ATG9B: variants seen among roughly 807,000 people sequenced by gnomAD.
The protein encoded by ATG9B is autophagy-related protein 9B.
Under a neutral mutation model 92.9 loss-of-function variants are expected in ATG9B, and 92 were observed. The ratio of observed to expected loss-of-function variants is 0.99; its 90% CI spans 0.84 to 1.18. ATG9B has a LOEUF of 1.18. Among genes scored for constraint, ATG9B ranks in the 50% most tolerant of loss-of-function variants. ATG9B has a pLI of 0.00. For missense variants in ATG9B, 1,344 were observed against 1,235.0 expected (o/e 1.09, Z -1.32); for synonymous variants, 599 against 551.4 (o/e 1.09, Z -1.21).
In ATG9B at chr7:151,015,866, A is replaced by G. The variant is rs745911616; in HGVS notation, c.*14+16T>C. 121 of 1,541,470 alleles carry G rather than the reference A, an allele frequency of 7.8e-5. No homozygotes were observed. Among genetic ancestry groups the G allele is most frequent in the Non-Finnish European group, 9.4e-5 (107 of 1,142,038 alleles). ...TGCCGTCCTTTCTCCCTCCCCTCAC[A>G]GGAGGCAATACTGACCCTGAGGAGT... On this transcript the variant is annotated intron_variant, in intron 13 of 13. Coordinates refer to ENST00000639579, the MANE Select transcript of ATG9B (RefSeq NM_001317056.2).
At chr7:151,019,509 A>G (rs544751648) in intron 5 of ATG9B, 135 bp from the exon 6 acceptor site, 2 of 1,204,300 alleles carry the variant, frequency 1.7e-6, no homozygotes, top group East Asian at 5.6e-5. Context: ...TGACCAAGCT[A>G]CATCGTCCCC....
chr7:151,014,086 A>C, downstream of ATG9B: 1 of 1,613,830 alleles, frequency 6.2e-7, no homozygotes, highest in Non-Finnish European at 8.5e-7. Flanking sequence ...ACGCACCCAG[A>C]GCTTTTCCTT....
At position 151,023,927 on chromosome 7, in the gene ATG9B, G is replaced by A. The variant is rs61078191; in HGVS notation, c.497C>T (p.Pro166Leu). 2,089 of 1,595,366 alleles carry A rather than the reference G, an allele frequency of 1.3e-3. 31 individuals carry two copies. The African/African-American group carries it at 0.025, about 19-fold the overall frequency. The change falls in exon 1 of 14, where the codon CCC (proline) becomes CTC (leucine). Residue 166 changes from proline (P) to leucine (L), a missense_variant. Pro to Leu is a moderately conservative substitution (Grantham distance 98). Coordinates refer to ENST00000639579, the MANE Select transcript of ATG9B (RefSeq NM_001317056.2). ...DCDPEGSQDS[P>L]IHGEEQQPLL... ...GGGTTGCTGCTCCTCCCCGTGGATG[G>A]GTGAGTCTTGGGACCCCTCAGGGTC...
Position 151,024,378 on chromosome 7 carries a change from GCCCCAGCCGCCTTCTTCTCCCC to G in ATG9B, c.24_45del (p.Arg10GlyfsTer89). The G allele has an allele frequency of 4.4e-6, 6 of 1,373,780 alleles. No homozygotes were observed. The highest frequency in any genetic ancestry group is 4.7e-6 in the Non-Finnish European group (5 of 1,058,826). The allele number at this position is 1,373,780 out of a possible 1,614,324, so 85.1% of individuals were successfully genotyped here. A position where few individuals can be genotyped will look rare whatever the true frequency, so the allele number is the denominator to read the frequency against. ...GATCCGGGCCCCAGATCTCCCCACC[GCCCCAGCCGCCTTCTTCTCCCC>G]CCCCAGCCCATTCGGCTCACCATCA... is the stretch of plus-strand genomic sequence containing the variant. On this transcript the variant is annotated frameshift_variant, in exon 1 of 14. Transcript: ENST00000639579. LOFTEE classifies it high-confidence loss of function.
downstream of ATG9B, chr7:151,014,381 T>C (rs1795394617): frequency 1.1e-5 from 6 of 544,310 alleles, no homozygotes; most frequent in South Asian, 1.2e-4. Flanking sequence ...TCCGCCTTAA[T>C]CTGGAAGGCC....
At chr7:151,021,087 C>T in intron 5 of ATG9B, 101 bp downstream of exon 5, 2 of 1,409,282 alleles carry the variant, frequency 1.4e-6, no homozygotes. Context: ...TTTCTGCCCT[C>T]TTTCCAGTTG....
downstream of ATG9B, chr7:151,014,946 C>T (rs1395872714): frequency 1.3e-5 from 2 of 152,174 alleles, no homozygotes; most frequent in Non-Finnish European, 2.9e-5. Context: ...CTGTTTTAAC[C>T]TGTGCAGTTG....
chr7:151,022,503 TTC>T (rs1231413717), intron 4 of ATG9B, among the ~76,000 whole-genome samples: 1 of 151,444 alleles, frequency 6.6e-6, no homozygotes, highest in Non-Finnish European at 1.5e-5. Flanking sequence ...CTTTTCAGGA[TTC>T]TCAACCAATT....
At chr7:151,021,414 A>T in intron 4 of ATG9B, 85 bp from the exon 5 acceptor site, 3 of 1,468,364 alleles carry the variant, frequency 2.0e-6, no homozygotes, top group South Asian at 2.8e-5. Context: ...AGGAAAAACC[A>T]TCATGAGGAG....
chr7:151,022,911 A>G (rs1795803752), intron 4 of ATG9B, 134 bp downstream of exon 4: 1 of 1,047,548 alleles, frequency 9.5e-7, no homozygotes, highest in Non-Finnish European at 1.4e-6. Context: ...AAGTATATTA[A>G]GTGTATTTTT....
Position 151,018,487 on chromosome 7 carries a change from A to T in ATG9B, c.1719-40T>A. 1 of 1,515,604 alleles carries T rather than the reference A, an allele frequency of 6.6e-7. No homozygotes were observed. The allele number at this position is 1,515,604 out of a possible 1,614,324, so 93.9% of individuals were successfully genotyped here. On this transcript the variant is annotated intron_variant, in intron 6 of 13. Coordinates refer to ENST00000639579, the MANE Select transcript of ATG9B (RefSeq NM_001317056.2). The surrounding 1 kb of genome is among the most constrained non-coding windows in gnomAD (Gnocchi z 4.7). ...CCGTGGGGGGAAGGGGCCTGCGATTAGGAGGACGCGCGGTGGGATGTAGGG... is the reference window on the plus strand; with the variant it reads ...CCGTGGGGGGAAGGGGCCTGCGATTTGGAGGACGCGCGGTGGGATGTAGGG...
intron 4 of ATG9B, 143 bp from the exon 5 acceptor site, chr7:151,021,472 G>A: frequency 8.6e-7 from 1 of 1,168,152 alleles, no homozygotes; most frequent in Non-Finnish European, 1.2e-6. Context: ...CCGGGGCAGG[G>A]GGTGGGTGCT....
chr7:151,021,862 A>G (rs368101244), intron 4 of ATG9B, among the ~76,000 whole-genome samples: 5 of 130,028 alleles, frequency 3.8e-5, no homozygotes, highest in African/African-American at 1.1e-4. Context: ...TGTTGGCCAG[A>G]ATGGTTTTGA....
At chr7:151,023,644 G>T (rs1481506208) in intron 2 of ATG9B, 43 bp downstream of exon 2, 10 of 1,612,706 alleles carry the variant, frequency 6.2e-6, no homozygotes, top group Non-Finnish European at 7.6e-6. Flanking sequence ...AGCTCCAAGA[G>T]GACCTTCCCA....
At chr7:151,012,876 G>C (rs1247085466), downstream of ATG9B, 6 of 348,894 alleles carry the variant, frequency 1.7e-5, no homozygotes, top group Non-Finnish European at 3.1e-5. Flanking sequence ...AAAGAAGAGG[G>C]CTGTGACTGG....
chr7:151,015,062 G>T (rs955363193), downstream of ATG9B: 2 of 152,200 alleles, frequency 1.3e-5, no homozygotes, highest in African/African-American at 4.8e-5. Context: ...CTGCTCCCCC[G>T]TGCAGTTCTC....
At chr7:151,023,814 G>A in intron 1 of ATG9B, 60 bp downstream of exon 1, 1 of 1,611,614 alleles carries the variant, frequency 6.2e-7, no homozygotes, top group Non-Finnish European at 8.5e-7. Context: ...CCCAGCCTGG[G>A]ATAAGTACTG....
chr7:151,019,272 C>G lies in ATG9B; in HGVS notation c.1066G>C (p.Asp356His), dbSNP rs370967913. The G allele has an allele frequency of 8.8e-6, 14 of 1,582,976 alleles. No homozygotes were observed. Among genetic ancestry groups the G allele is most frequent in the Non-Finnish European group, 1.1e-5 (13 of 1,172,102 alleles). The change falls in exon 6 of 14, where the codon GAC (aspartate) becomes CAC (histidine). Residue 356 changes from aspartate to histidine, a missense_variant. Physicochemically the swap from Asp to His is moderately conservative, Grantham distance 81 (BLOSUM62 -1). Transcript: ENST00000639579. ...CVQPRPLTEL[D>H]IHHRILRYTN... ...TAGCGCAGGATGCGGTGGTGGATGT[C>G]CAGCTCCGTCAGGGGCCGCGGCTGC...
At chr7:151,023,812 G>A in intron 1 of ATG9B, 62 bp downstream of exon 1, 1 of 1,611,916 alleles carries the variant, frequency 6.2e-7, no homozygotes, top group East Asian at 2.2e-5. Context: ...GGCCCAGCCT[G>A]GGATAAGTAC....
Sources: gnomAD v4.1 joint callset for allele counts (sites outside exome capture counted in the v4.1 genomes callset) on GRCh38, gnomAD v4.1.1 for gene constraint, Gnocchi (gnomAD v3.1) non-coding constraint, MANE v1.5 for transcripts, NCBI Gene and HGNC (gene_info 2026-07-23, HGNC 2026-07-21) for gene names.